Variants in PTPRD observed in about 807,000 individuals in gnomAD.
PTPRD encodes the protein protein tyrosine phosphatase receptor type D, also known as receptor-type tyrosine-protein phosphatase delta.
In PTPRD, 34 loss-of-function variants were observed where a neutral mutation model predicts 214.5. The ratio of observed to expected loss-of-function variants is 0.16; its 90% CI spans 0.12 to 0.21. The LOEUF (loss-of-function observed/expected upper bound fraction) is 0.21, where lower values mean the gene tolerates loss of function less well. Ranked by LOEUF, PTPRD falls within the 10% of genes least tolerant of loss-of-function variation. The pLI, the probability that PTPRD is intolerant of heterozygous loss-of-function variation, is 1.00. For synonymous variants in PTPRD, 1,128 were observed against 845.7 expected (o/e 1.33, Z -5.79); for missense variants, 2,545 against 2,398.7 (o/e 1.06, Z -1.27).
intron 7 of PTPRD, among the ~76,000 whole-genome samples, chr9:9,702,485 T>C (rs775759342): frequency 6.6e-6 from 1 of 152,208 alleles, no homozygotes; most frequent in African/African-American, 2.4e-5. Context: ...GTACCAGTGA[T>C]CTTCCAAGAG....
At chr9:9,375,374 G>T (rs2060509498) in intron 9 of PTPRD, among the ~76,000 whole-genome samples, 1 of 152,146 alleles carries the variant, frequency 6.6e-6, no homozygotes, top group African/African-American at 2.4e-5. Flanking sequence ...AAGTCTGGCA[G>T]ATCATGAGGT....
intron 7 of PTPRD, among the ~76,000 whole-genome samples, chr9:9,693,466 C>A (rs761271204): frequency 6.6e-6 from 1 of 152,110 alleles, no homozygotes; most frequent in Admixed American, 6.6e-5. Flanking sequence ...CCGCCATGTG[C>A]AACTATGAGT....
intron 8 of PTPRD, chr9:9,414,847 G>C (rs1201195286): frequency 6.6e-6 from 1 of 152,186 alleles, no homozygotes. Context: ...TGGAAAGAGG[G>C]AGAGACATGA....
chr9:8,771,204 T>G (rs7023805), intron 11 of PTPRD, among the ~76,000 whole-genome samples: 5,746 of 150,048 alleles, frequency 0.038, 318 homozygotes, highest in African/African-American at 0.11. Flanking sequence ...ATAGTAGTCT[T>G]TATTCTTTAT....
intron 3 of PTPRD, among the ~76,000 whole-genome samples, chr9:10,194,022 T>A (rs2099385907): frequency 6.6e-6 from 1 of 152,088 alleles, no homozygotes; most frequent in Non-Finnish European, 1.5e-5. Flanking sequence ...TATGTTCACC[T>A]CTTTCTCCAA....
In PTPRD at chr9:9,199,098, C is replaced by T. The variant is rs1399939752; in HGVS notation, c.-202-15735G>A. On this transcript the variant is annotated intron_variant, in intron 9 of 45. Transcript: ENST00000381196. The stretch of plus-strand genomic sequence containing the variant: ...TGAAAGACGGCTGAGAGCCTTAGGG[C>T]TTCTCTGATGATGAGTGCACAAGGA... Among the ~76,000 whole-genome samples, 10 of 152,100 alleles carry T rather than the reference C, an allele frequency of 6.6e-5. No individual in the cohort carries two copies. The East Asian group carries it at 1.7e-3, about 26-fold the overall frequency.
intron 3 of PTPRD, among the ~76,000 whole-genome samples, chr9:10,289,006 C>T (rs1296316602): frequency 6.7e-6 from 1 of 149,114 alleles, no homozygotes; most frequent in East Asian, 2.0e-4. Context: ...CTAACTTACT[C>T]CAAATTAAGA....
At position 10,053,650 on chromosome 9, in the gene PTPRD, A is replaced by G. The variant is rs555289320; in HGVS notation, c.-544-19860T>C. On this transcript the variant is annotated intron_variant, in intron 3 of 45. Transcript: ENST00000381196. ...TTGAGGTTTTCAGGCAATATCTTGT[A>G]TCTTGTAATCATCACAGAATGCTTG... 4.6e-5 allele frequency among the ~76,000 whole-genome samples: 7 copies of G among 152,336 alleles called. No individual in the cohort carries two copies. In the East Asian group the frequency reaches 9.6e-4, roughly 21 times the overall value.
At position 10,198,679 on chromosome 9, in the gene PTPRD, C is replaced by A. The variant is rs142233708; in HGVS notation, c.-545+142284G>T. ...CAAAACCTTGGAAGCAGATAAACAA[C>A]TGAAAAGGTTTACTTAATATCATAC... On this transcript the variant is annotated intron_variant, in intron 3 of 45. Coordinates refer to ENST00000381196, the MANE Select transcript of PTPRD (RefSeq NM_002839.4). Among the ~76,000 whole-genome samples, 109 of 152,160 alleles carry A rather than the reference C, an allele frequency of 7.2e-4. 1 individual carries two copies. The East Asian group carries it at 0.016, about 22-fold the overall frequency.
intron 2 of PTPRD, among the ~76,000 whole-genome samples, chr9:10,429,402 C>T (rs1188938775): frequency 6.6e-6 from 1 of 151,994 alleles, no homozygotes; most frequent in African/African-American, 2.4e-5. Flanking sequence ...AATCTCAGCA[C>T]TATTCACAAA....
intron 8 of PTPRD, among the ~76,000 whole-genome samples, chr9:9,531,268 A>G (rs2075395035): frequency 6.6e-6 from 1 of 152,174 alleles, no homozygotes; most frequent in Non-Finnish European, 1.5e-5. Flanking sequence ...TTCATATGAC[A>G]ACATGGATGA....
At chr9:8,319,007 TA>T (rs1824548607) in intron 45 of PTPRD, among the ~76,000 whole-genome samples, 1 of 152,118 alleles carries the variant, frequency 6.6e-6, no homozygotes, top group Admixed American at 6.6e-5. Context: ...CTTGTCACAG[TA>T]AGTTGCTTGG....
intron 21 of PTPRD, among the ~76,000 whole-genome samples, chr9:8,509,200 A>T (rs765247964): frequency 6.6e-6 from 1 of 152,154 alleles, no homozygotes; most frequent in Non-Finnish European, 1.5e-5. Context: ...AGAGGGACAG[A>T]GGGGAACAAA....
chr9:9,000,713 C>T (rs1015252253), intron 11 of PTPRD, among the ~76,000 whole-genome samples: 1 of 151,952 alleles, frequency 6.6e-6, no homozygotes, highest in Non-Finnish European at 1.5e-5. Flanking sequence ...TGCTAAAAAA[C>T]AGGCAGCTCT....
At chr9:9,871,455 A>G (rs1357220633) in intron 5 of PTPRD, among the ~76,000 whole-genome samples, 1 of 152,226 alleles carries the variant, frequency 6.6e-6, no homozygotes, top group Non-Finnish European at 1.5e-5. Flanking sequence ...GGTTTAGTAT[A>G]CGAAAGGATG....
At chr9:10,564,168 A>ATTTTTTTTTTTTTT (rs1591017043) in intron 2 of PTPRD, among the ~76,000 whole-genome samples, 1 of 11,876 alleles carries the variant, frequency 8.4e-5, no homozygotes, top group African/African-American at 2.7e-4. Context: ...ACACTAGGCT[A>ATTTTTTTTTTTTTT]TTCTTTTTTT....
At chr9:9,969,018 G>A (rs1047845336) in intron 4 of PTPRD, among the ~76,000 whole-genome samples, 1 of 152,122 alleles carries the variant, frequency 6.6e-6, no homozygotes, top group African/African-American at 2.4e-5. Flanking sequence ...TAGTAGGAGA[G>A]AGTCCATAGT....
chr9:8,953,030 C>T (rs2099111531), intron 11 of PTPRD, among the ~76,000 whole-genome samples: 1 of 151,684 alleles, frequency 6.6e-6, no homozygotes, highest in Admixed American at 6.6e-5. Context: ...TCCATTCCAA[C>T]AATTTTATAA....
At chr9:9,611,621 G>A (rs900758754) in intron 7 of PTPRD, among the ~76,000 whole-genome samples, 24 of 151,626 alleles carry the variant, frequency 1.6e-4, no homozygotes, top group African/African-American at 4.4e-4. Context: ...TATTATATTG[G>A]TCATCCATAG....
Sources: gnomAD v4.1 joint callset for allele counts (sites outside exome capture counted in the v4.1 genomes callset) on GRCh38, gnomAD v4.1.1 for gene constraint, MANE v1.5 for transcripts, NCBI Gene and HGNC (gene_info 2026-07-23, HGNC 2026-07-21) for gene names.